Variants in PRKN observed in about 807,000 individuals in gnomAD.
PRKN encodes E3 ubiquitin-protein ligase parkin.
In PRKN, 56 loss-of-function variants were observed where a neutral mutation model predicts 59.5. The ratio of observed to expected loss-of-function variants is 0.94; its 90% CI spans 0.76 to 1.18. The LOEUF is 1.18. PRKN is among the 50% of genes most tolerant of loss of function. The pLI is 0.00. For missense variants in PRKN, 657 were observed against 596.4 expected, an observed-to-expected ratio of 1.10 and a Z score of -1.06; for synonymous variants, 250 against 222.1, an observed-to-expected ratio of 1.13 and a Z score of -1.12.
At chr6:162,500,117 G>A (rs942735410) in intron 1 of PRKN, among the ~76,000 whole-genome samples, 1 of 150,952 alleles carries the variant, frequency 6.6e-6, no homozygotes, top group Non-Finnish European at 1.5e-5. Context: ...CTCAGCTCAG[G>A]TGCACATCTC....
At chr6:162,510,469 G>C (rs1777552596) in intron 1 of PRKN, among the ~76,000 whole-genome samples, 2 of 152,134 alleles carry the variant, frequency 1.3e-5, no homozygotes, top group Admixed American at 1.3e-4. Flanking sequence ...CCCTTGTTTA[G>C]TGGCCTCCTT....
chr6:162,454,756 A>C (rs1790786457), intron 1 of PRKN, among the ~76,000 whole-genome samples: 2 of 152,172 alleles, frequency 1.3e-5, no homozygotes, highest in African/African-American at 4.8e-5. Context: ...TTCGAAATCA[A>C]CATTCTCCCA....
chr6:162,686,654 G>A (rs1334802923), intron 1 of PRKN, among the ~76,000 whole-genome samples: 1 of 152,198 alleles, frequency 6.6e-6, no homozygotes, highest in Non-Finnish European at 1.5e-5. Flanking sequence ...GCTCGTGCCT[G>A]TAATCCTACC....
rs538050569 is a variant in PRKN at position 162,332,543 on chromosome 6, C to T, written c.172-69778G>A. 4.6e-5 allele frequency among the ~76,000 whole-genome samples: 7 copies of T among 152,290 alleles called. No individual in the cohort carries two copies. In the South Asian group the frequency reaches 1.4e-3, roughly 32 times the overall value. On this transcript the variant is annotated intron_variant, in intron 2 of 11. Coordinates refer to ENST00000366898, the MANE Select transcript of PRKN (RefSeq NM_004562.3). ...GTATAAACCCATGCCATCACTAGCC[C>T]ATATGGCCCTTCATGAAAAATTGGA...
At chr6:162,620,796 C>T (rs1782632831) in intron 1 of PRKN, among the ~76,000 whole-genome samples, 1 of 152,192 alleles carries the variant, frequency 6.6e-6, no homozygotes, top group South Asian at 2.1e-4. Context: ...TTAAGCAATC[C>T]TCCTGCCTTA....
chr6:162,330,811 C>T (rs1783537675), intron 2 of PRKN, among the ~76,000 whole-genome samples: 1 of 152,174 alleles, frequency 6.6e-6, no homozygotes, highest in Non-Finnish European at 1.5e-5. Context: ...GACACACTCA[C>T]CTTCACAGCC....
chr6:162,014,077 C>A (rs1782838741), intron 5 of PRKN, among the ~76,000 whole-genome samples: 1 of 152,118 alleles, frequency 6.6e-6, no homozygotes, highest in Non-Finnish European at 1.5e-5. Context: ...GGCACTGCTA[C>A]CCCCTCGTAC....
chr6:162,410,439 C>T (rs948216309), intron 2 of PRKN, among the ~76,000 whole-genome samples: 3 of 152,182 alleles, frequency 2.0e-5, no homozygotes, highest in African/African-American at 4.8e-5. Flanking sequence ...TCCATCTAGC[C>T]GGGTCTCCTC....
intron 3 of PRKN, among the ~76,000 whole-genome samples, chr6:162,216,719 C>G (rs1255213722): frequency 6.6e-6 from 1 of 151,928 alleles, no homozygotes; most frequent in Non-Finnish European, 1.5e-5. Flanking sequence ...GGCCACACAG[C>G]CAGGACACTT....
chr6:162,125,239 A>C (rs1781078345), intron 4 of PRKN, among the ~76,000 whole-genome samples: 1 of 152,170 alleles, frequency 6.6e-6, no homozygotes, highest in African/African-American at 2.4e-5. Context: ...CACATGCTTC[A>C]GAATCCAGCC....
At chr6:161,782,651 T>TG (rs948338117) in intron 7 of PRKN, among the ~76,000 whole-genome samples, 1 of 152,036 alleles carries the variant, frequency 6.6e-6, no homozygotes, top group African/African-American at 2.4e-5. Context: ...CCCAGCACCT[T>TG]GGGAGGCTGA....
At chr6:161,365,273 T>C (rs1436549637) in intron 10 of PRKN, among the ~76,000 whole-genome samples, 5 of 152,200 alleles carry the variant, frequency 3.3e-5, no homozygotes, top group Admixed American at 2.0e-4. Context: ...CAGATTATCA[T>C]TGAGGGCAGG....
rs9458267 is a variant in PRKN, at chr6:161,458,149, T to C, written c.1084-71272A>G. 0.013 allele frequency among the ~76,000 whole-genome samples: 1,976 copies of C among 152,330 alleles called. 48 individuals are homozygous for C. The highest frequency in any genetic ancestry group is 0.044 in the African/African-American group (1,841 of 41,574). ...TTGAAAGAAAAAGGGTAGCCTCCTT[T>C]AAGAAAACCTTTGGGTTTGACAGAA... is the stretch of plus-strand genomic sequence containing the variant. On this transcript the variant is annotated intron_variant, in intron 9 of 11. Transcript: ENST00000366898. The surrounding 1 kb of genome is among the most constrained non-coding windows in gnomAD (Gnocchi z 6.1).
At position 161,530,026 on chromosome 6, in the gene PRKN, A is replaced by C. The variant is rs761480254; in HGVS notation, c.1083+18828T>G. Among the ~76,000 whole-genome samples the C allele has an allele frequency of 2.7e-5, 4 of 148,984 alleles. No homozygotes were observed. The highest frequency in any genetic ancestry group is 4.5e-5 in the Non-Finnish European group (3 of 67,080). On this transcript the variant is annotated intron_variant, in intron 9 of 11. Transcript: ENST00000366898. The surrounding 1 kb of genome is among the most constrained non-coding windows in gnomAD (Gnocchi z 5.0). ...AGCAGCAAAAGCATTTTACTTAAGA[A>C]GCATTTAAAAAAAAAACCCTCATTC...
intron 1 of PRKN, among the ~76,000 whole-genome samples, chr6:162,477,734 G>A (rs146612295): frequency 1.0e-3 from 155 of 152,172 alleles, no homozygotes; most frequent in African/African-American, 3.6e-3. Flanking sequence ...CAGGGAGCTT[G>A]TTTCTAGGTC....
At chr6:161,823,519 A>G (rs571698952) in intron 6 of PRKN, among the ~76,000 whole-genome samples, 1 of 152,330 alleles carries the variant, frequency 6.6e-6, no homozygotes, top group African/African-American at 2.4e-5. Flanking sequence ...TTACCCTAGG[A>G]GAAGAAGATA....
intron 7 of PRKN, among the ~76,000 whole-genome samples, chr6:161,774,429 C>A (rs972985494): frequency 7.1e-6 from 1 of 141,264 alleles, no homozygotes; most frequent in Admixed American, 6.9e-5. Flanking sequence ...CACACACACA[C>A]ACACGGCGTG....
chr6:161,374,546 G>GT (rs1785579247), intron 10 of PRKN, among the ~76,000 whole-genome samples: 1 of 135,816 alleles, frequency 7.4e-6, no homozygotes, highest in Non-Finnish European at 1.6e-5. Flanking sequence ...GCATGTGTGT[G>GT]GTGTGTGATG....
intron 4 of PRKN, among the ~76,000 whole-genome samples, chr6:162,085,171 C>A (rs1334377136): frequency 1.3e-5 from 2 of 149,200 alleles, no homozygotes; most frequent in Non-Finnish European, 3.0e-5. Flanking sequence ...TTTTAAAAAA[C>A]CCTACATAGG....
Sources: gnomAD v4.1 joint callset for allele counts (sites outside exome capture counted in the v4.1 genomes callset) on GRCh38, gnomAD v4.1.1 for gene constraint, Gnocchi (gnomAD v3.1) non-coding constraint, MANE v1.5 for transcripts, NCBI Gene and HGNC (gene_info 2026-07-23, HGNC 2026-07-21) for gene names.